The following FRMD3 variants were observed in gnomAD, a reference collection of about 807,000 sequenced individuals.
FRMD3 encodes the protein FERM domain-containing protein 3.
Under a neutral mutation model 70.2 loss-of-function variants are expected in FRMD3, and 33 were observed. The observed-to-expected ratio is 0.47, with a 90% confidence interval of 0.36 to 0.63. The LOEUF (loss-of-function observed/expected upper bound fraction) is 0.63, where lower values mean the gene tolerates loss of function less well. Among genes scored for constraint, FRMD3 ranks in the 20% least tolerant of loss-of-function variants. The probability of loss-of-function intolerance (pLI) is 0.00; values close to 1 mark genes in which losing one functional copy is unlikely to be tolerated. For synonymous variants in FRMD3, 279 were observed against 255.9 expected (o/e 1.09, Z -0.86); for missense variants, 632 against 711.4 (o/e 0.89, Z 1.27).
At position 83,248,474 on chromosome 9, in the gene FRMD3, A is replaced by T; in HGVS notation, c.1238T>A (p.Ile413Asn). ...GGCTGCCTTCACTGGGGAGCTGGAG[A>T]TCAAGGGAGCAGAAATGTTCTCCTC... ...PKEENISAPL[I>N]SSSPVKAARE... Residue 413 changes from isoleucine to asparagine, a missense_variant, in exon 14 of 14, where the codon ATC becomes AAC. Coordinates refer to ENST00000304195, the MANE Select transcript of FRMD3 (RefSeq NM_174938.6). 1 of 1,613,094 alleles carries T rather than the reference A, an allele frequency of 6.2e-7. No individual in the cohort carries two copies.
chr9:83,275,803 G>A (rs1057053602), intron 13 of FRMD3: 3 of 152,168 alleles, frequency 2.0e-5, no homozygotes, highest in African/African-American at 4.8e-5. Flanking sequence ...TAACATGAAG[G>A]GAAACCTTCC....
At chr9:83,366,968 G>C (rs1409527724) in intron 3 of FRMD3, among the ~76,000 whole-genome samples, 3 of 152,110 alleles carry the variant, frequency 2.0e-5, no homozygotes, top group Admixed American at 2.0e-4. Flanking sequence ...AGGAGGCGGA[G>C]GTTGCAGTGA....
At chr9:83,563,054 G>A in the FRMD3 span, among the ~76,000 whole-genome samples, 6,461 of 151,914 alleles carry the variant, frequency 0.043, 208 homozygotes, top group Non-Finnish European at 0.055. Context: ...GCAAAGATAC[G>A]CAGTATTATG....
intron 13 of FRMD3, chr9:83,267,207 A>G (rs754219887): frequency 2.5e-5 from 38 of 1,548,872 alleles, no homozygotes; most frequent in African/African-American, 5.5e-5. Flanking sequence ...CTAACAGTCC[A>G]TTCTGTTTTA....
chr9:83,489,233 C>T (rs1828759758), intron 1 of FRMD3, among the ~76,000 whole-genome samples: 2 of 152,052 alleles, frequency 1.3e-5, no homozygotes, highest in Non-Finnish European at 2.9e-5. Context: ...AAAGCAATTG[C>T]AACACAAGCA....
intron 13 of FRMD3, among the ~76,000 whole-genome samples, chr9:83,277,269 T>C (rs947595815): frequency 6.6e-6 from 1 of 152,234 alleles, no homozygotes; most frequent in Non-Finnish European, 1.5e-5. Context: ...TTGTCAGTAA[T>C]ATATAGATGG....
At chr9:83,351,065 AAAC>A (rs1484090910) in intron 3 of FRMD3, 1 of 763,600 alleles carries the variant, frequency 1.3e-6, no homozygotes, top group Non-Finnish European at 1.6e-6. Flanking sequence ...TGTGAATATG[AAAC>A]AACATCCTAT....
chr9:83,535,301 C>T (rs1432306291), intron 1 of FRMD3, among the ~76,000 whole-genome samples: 1 of 152,194 alleles, frequency 6.6e-6, no homozygotes, highest in Non-Finnish European at 1.5e-5. Flanking sequence ...CCATGTGTGG[C>T]CACTCTCCAG....
rs1215598166 is a variant in FRMD3 at position 83,245,774 on chromosome 9, A to G, written c.*2144T>C. ...AGGGGACTAATTTTGTGCAGACTAC[A>G]CTAAAGTTGCCTTATGTCAGAAAGG... On this transcript the variant is annotated 3_prime_UTR_variant, in exon 14 of 14. Transcript: ENST00000304195. 3.9e-5 allele frequency: 38 copies of G among 984,610 alleles called. No individual in the cohort carries two copies. The highest frequency in any genetic ancestry group is 4.6e-5 in the Non-Finnish European group (38 of 829,352). 61.0% of individuals were successfully genotyped at this position (984,610 alleles called of 1,614,324 possible).
At chr9:83,368,737 C>T (rs903825743) in intron 3 of FRMD3, among the ~76,000 whole-genome samples, 1 of 152,116 alleles carries the variant, frequency 6.6e-6, no homozygotes, top group Non-Finnish European at 1.5e-5. Context: ...TCACTTGTGT[C>T]ATTAGATTTT....
intron 1 of FRMD3, among the ~76,000 whole-genome samples, chr9:83,416,745 G>GTCTCTCTGTCTC (rs1554702036): frequency 9.8e-5 from 10 of 102,288 alleles, no homozygotes; most frequent in Non-Finnish European, 9.7e-5. Context: ...ATTTCTCTCT[G>GTCTCTCTGTCTC]TCTCTCTCTC....
chr9:83,439,812 G>A (rs1175271800), intron 1 of FRMD3, among the ~76,000 whole-genome samples: 1 of 152,144 alleles, frequency 6.6e-6, no homozygotes, highest in Admixed American at 6.5e-5. Flanking sequence ...TTTAGCCAGT[G>A]AGTGACAGTA....
the FRMD3 span, among the ~76,000 whole-genome samples, chr9:83,578,774 A>T: frequency 6.6e-6 from 1 of 152,074 alleles, no homozygotes; most frequent in East Asian, 1.9e-4. Context: ...AGGGATGCCC[A>T]CTCTCATCAT....
chr9:83,543,002 A>G (rs1830016145), upstream of FRMD3, among the ~76,000 whole-genome samples: 1 of 152,144 alleles, frequency 6.6e-6, no homozygotes, highest in Non-Finnish European at 1.5e-5. Flanking sequence ...AGGAGATAAC[A>G]TGAGGGAAAA....
intron 1 of FRMD3, among the ~76,000 whole-genome samples, chr9:83,520,735 C>T (rs777465541): frequency 3.9e-5 from 6 of 152,044 alleles, no homozygotes; most frequent in Non-Finnish European, 7.4e-5. Context: ...CAATACTGTT[C>T]GATACTTATT....
chr9:83,372,790 GC>G, intron 3 of FRMD3, 122 bp downstream of exon 3: 1 of 850,418 alleles, frequency 1.2e-6, no homozygotes, highest in South Asian at 1.5e-5. Context: ...GGAGAGAGAA[GC>G]CCCCACACCC....
rs76001599 is a variant in FRMD3 at position 83,303,427 on chromosome 9, G to A, written c.927-4241C>T. Among the ~76,000 whole-genome samples the A allele has an allele frequency of 8.5e-3, 1,298 of 152,256 alleles. 16 individuals carry two copies. The highest frequency in any genetic ancestry group is 0.029 in the African/African-American group (1,221 of 41,540). On this transcript the variant is annotated intron_variant, in intron 10 of 13. Transcript: ENST00000304195. ...GTATTTAAAAAATCATGCTCTAGTC[G>A]TACTGGCTCTCAAATTTTAGTGAGC... is the stretch of plus-strand genomic sequence containing the variant.
chr9:83,291,155 T>A (rs1360511336), intron 12 of FRMD3, among the ~76,000 whole-genome samples: 1 of 152,206 alleles, frequency 6.6e-6, no homozygotes, highest in African/African-American at 2.4e-5. Context: ...GCCAGATAGA[T>A]GATGCAGATG....
chr9:83,357,633 G>A (rs375930731), intron 3 of FRMD3, among the ~76,000 whole-genome samples: 3 of 151,826 alleles, frequency 2.0e-5, no homozygotes, highest in Non-Finnish European at 4.4e-5. Context: ...CAGTAGTAAC[G>A]TATCACATTG....
Sources: gnomAD v4.1 joint callset for allele counts (sites outside exome capture counted in the v4.1 genomes callset) on GRCh38, gnomAD v4.1.1 for gene constraint, MANE v1.5 for transcripts, NCBI Gene and HGNC (gene_info 2026-07-23, HGNC 2026-07-21) for gene names.